Variants in ZCCHC4 observed in about 807,000 individuals in gnomAD.
ZCCHC4 encodes zinc finger CCHC-type containing 4.
Under a neutral mutation model 67.7 loss-of-function variants are expected in ZCCHC4, and 54 were observed. The ratio of observed to expected loss-of-function variants is 0.80; its 90% confidence interval spans 0.64 to 1.00. ZCCHC4 has a LOEUF of 1.00. Among genes scored for constraint, ZCCHC4 ranks in the 50% least tolerant of loss-of-function variants. The pLI is 0.00. For synonymous variants in ZCCHC4, 198 were observed against 213.5 expected (o/e 0.93, Z 0.63); for missense variants, 609 against 617.0 (o/e 0.99, Z 0.14).
intron 5 of ZCCHC4, among the ~76,000 whole-genome samples, chr4:25,341,514 A>T (rs1333313503): frequency 1.3e-5 from 2 of 152,242 alleles, no homozygotes; most frequent in East Asian, 1.9e-4. Context: ...CCTTTCCACC[A>T]TAAGTAAAAA....
chr4:25,324,980 AC>A (rs869221990), intron 3 of ZCCHC4, among the ~76,000 whole-genome samples: 1 of 152,102 alleles, frequency 6.6e-6, no homozygotes, highest in African/African-American at 2.4e-5. Context: ...GCGGTGGCTC[AC>A]GCCTGTAATC....
chr4:25,342,493 G>A (rs1016013696), intron 5 of ZCCHC4, among the ~76,000 whole-genome samples: 4 of 152,130 alleles, frequency 2.6e-5, no homozygotes, highest in Admixed American at 2.6e-4. Flanking sequence ...TGAAAGATGT[G>A]AAACTCTATT....
chr4:25,344,829 G>A (rs1364735424), intron 5 of ZCCHC4, among the ~76,000 whole-genome samples: 1 of 149,526 alleles, frequency 6.7e-6, no homozygotes, highest in Non-Finnish European at 1.5e-5. Context: ...TTGAGACAAG[G>A]TCTGGCTATA....
intron 5 of ZCCHC4, among the ~76,000 whole-genome samples, chr4:25,343,100 G>T (rs938505744): frequency 5.3e-5 from 8 of 152,140 alleles, no homozygotes; most frequent in Non-Finnish European, 1.0e-4. Context: ...ACACATGGTT[G>T]TACTAGTACT....
chr4:25,314,112 C>T lies in ZCCHC4; in HGVS notation c.194C>T (p.Ser65Leu), dbSNP rs1359788131. Residue 65 changes from serine to leucine, a missense_variant, in exon 2 of 13, where the codon TCA becomes TTA. Physicochemically the swap from Ser to Leu is moderately radical, Grantham distance 145 (BLOSUM62 -2). Coordinates refer to ENST00000302874, the MANE Select transcript of ZCCHC4 (RefSeq NM_024936.3). ...KEETRRFYAC[S>L]ACRDRKDCNF... The stretch of plus-strand genomic sequence containing the variant: ...GAAACTCGGAGGTTTTATGCCTGTT[C>T]AGCCTGTAGAGATAGAAAAGACTGT... The T allele has an allele frequency of 3.1e-6, 5 of 1,609,670 alleles. No homozygotes were observed. The highest frequency in any genetic ancestry group is 4.2e-6 in the Non-Finnish European group (5 of 1,178,688).
intron 12 of ZCCHC4, among the ~76,000 whole-genome samples, chr4:25,368,020 C>T (rs572676614): frequency 6.6e-6 from 1 of 152,074 alleles, no homozygotes; most frequent in African/African-American, 2.4e-5. Context: ...TCCTTGAAGT[C>T]AAAGATTATG....
intron 11 of ZCCHC4, 124 bp from the exon 12 acceptor site, chr4:25,364,898 C>T (rs1036075961): frequency 1.1e-5 from 14 of 1,325,448 alleles, no homozygotes; most frequent in Non-Finnish European, 1.4e-5. Context: ...CAAACTAAAA[C>T]TAGCTGTGCA....
chr4:25,365,463 ACAGTT>A (rs1720905605), intron 12 of ZCCHC4: 1 of 1,109,008 alleles, frequency 9.0e-7, no homozygotes, highest in African/African-American at 1.6e-5. Context: ...ATAGGGGGTG[ACAGTT>A]CATGCTTTAT....
chr4:25,355,858 T>C (rs921158757), intron 8 of ZCCHC4, among the ~76,000 whole-genome samples: 23 of 152,324 alleles, frequency 1.5e-4, no homozygotes, highest in African/African-American at 5.3e-4. Flanking sequence ...TAGACTTTGC[T>C]GCTGTGGTAG....
chr4:25,315,297 G>A, intron 2 of ZCCHC4, 21 bp from the exon 3 acceptor site: 1 of 1,589,722 alleles, frequency 6.3e-7, no homozygotes, highest in Non-Finnish European at 8.6e-7. Context: ...TTTATTCAAT[G>A]GGTTTTGTAC....
At chr4:25,347,379 A>T (rs1396683051) in intron 6 of ZCCHC4, among the ~76,000 whole-genome samples, 1 of 152,212 alleles carries the variant, frequency 6.6e-6, no homozygotes, top group South Asian at 2.1e-4. Flanking sequence ...GCATTACCTT[A>T]TAAGTTTCTA....
At chr4:25,367,855 A>G (rs1243904240) in intron 12 of ZCCHC4, among the ~76,000 whole-genome samples, 2 of 152,210 alleles carry the variant, frequency 1.3e-5, no homozygotes, top group Non-Finnish European at 2.9e-5. Flanking sequence ...GCATATATAA[A>G]TAATTTAAAG....
intron 6 of ZCCHC4, among the ~76,000 whole-genome samples, chr4:25,348,030 AGTTAG>A (rs1310268422): frequency 6.6e-6 from 1 of 152,230 alleles, no homozygotes; most frequent in Non-Finnish European, 1.5e-5. Context: ...ATATTTTTAA[AGTTAG>A]GTTAGGAGTT....
intron 8 of ZCCHC4, chr4:25,352,009 C>G (rs968275439): frequency 1.8e-5 from 18 of 1,022,578 alleles, no homozygotes; most frequent in Non-Finnish European, 2.1e-5. Flanking sequence ...TTCATCATCA[C>G]TAGGAGATTT....
Position 25,313,581 on chromosome 4 carries a change from A to G in ZCCHC4, c.128-465A>G, listed in dbSNP as rs1718070829. On this transcript the variant is annotated intron_variant, in intron 1 of 12. Coordinates refer to ENST00000302874, the MANE Select transcript of ZCCHC4 (RefSeq NM_024936.3). ...TGTAACAGAGAGAAAAGAAACATTC[A>G]TTAAACACAGAGAAGCCGGCGTGGT... is the stretch of plus-strand genomic sequence containing the variant. Among the ~76,000 whole-genome samples, 4 of 152,372 alleles carry G rather than the reference A, an allele frequency of 2.6e-5. No individual in the cohort carries two copies. The South Asian group carries it at 8.3e-4, about 32-fold the overall frequency.
chr4:25,334,992 C>A (rs1719379210), intron 5 of ZCCHC4, among the ~76,000 whole-genome samples: 2 of 152,106 alleles, frequency 1.3e-5, no homozygotes, highest in South Asian at 4.1e-4. Flanking sequence ...TTAGCACTAC[C>A]ACACCCAGGT....
rs1196333473 is a variant in ZCCHC4, at chr4:25,314,145, T to G, written c.227T>G (p.Phe76Cys). 1 of 1,598,518 alleles carries G rather than the reference T, an allele frequency of 6.3e-7. No homozygotes were observed. Among genetic ancestry groups the G allele is most frequent in the East Asian group, 2.2e-5 (1 of 44,828 alleles). Residue 76 changes from phenylalanine (F) to cysteine (C), a missense_variant, in exon 2 of 13, where the codon TTT becomes TGT. By Grantham distance (205) the Phe-to-Cys change is radical. Coordinates refer to ENST00000302874, the MANE Select transcript of ZCCHC4 (RefSeq NM_024936.3). Reference protein sequence around the residue: ...ACRDRKDCNFFQWEDEKLSGA... With the variant: ...ACRDRKDCNFCQWEDEKLSGA... ...AGAGATAGAAAAGACTGTAATTTTT[T>G]TCAGTGGGAAGATGAAAAGGTATAT...
chr4:25,340,525 C>CA (rs1307517418), intron 5 of ZCCHC4, among the ~76,000 whole-genome samples: 1 of 151,830 alleles, frequency 6.6e-6, no homozygotes, highest in East Asian at 1.9e-4. Flanking sequence ...TCAATTTCTA[C>CA]AAAAAAAGCC....
intron 2 of ZCCHC4, among the ~76,000 whole-genome samples, chr4:25,315,067 G>A (rs1489859053): frequency 1.3e-5 from 2 of 152,174 alleles, no homozygotes; most frequent in Admixed American, 1.3e-4. Context: ...TACTTGGTTT[G>A]TGTCCACCTT....
Sources: allele counts gnomAD v4.1 joint callset (sites outside exome capture counted in the v4.1 genomes callset), GRCh38; gene constraint gnomAD v4.1.1; transcripts MANE v1.5; gene names NCBI Gene and HGNC (gene_info 2026-07-23, HGNC 2026-07-21).